Variants in MUSK observed in about 807,000 individuals in gnomAD.
The protein encoded by MUSK is muscle associated receptor tyrosine kinase.
A neutral mutation model predicts 88.7 loss-of-function variants in MUSK; 55 were observed. The observed-to-expected ratio is 0.62, with a 90% CI of 0.50 to 0.78. MUSK has a LOEUF of 0.78. Ranked by LOEUF, MUSK falls within the 30% of genes least tolerant of loss-of-function variation. MUSK has a pLI of 0.00. For synonymous variants in MUSK, 387 were observed against 391.9 expected (o/e 0.99, Z 0.15); for missense variants, 1,015 against 1,074.3 (o/e 0.94, Z 0.77).
chr9:110,762,128 A>G, intron 7 of MUSK, 74 bp from the exon 8 acceptor site: 2 of 1,233,634 alleles, frequency 1.6e-6, no homozygotes, highest in Non-Finnish European at 2.1e-6. Context: ...AAAGCATAAG[A>G]TGAAAATGTA....
chr9:110,748,094 T>A (rs1209753928), intron 7 of MUSK: 2 of 504,812 alleles, frequency 4.0e-6, no homozygotes, highest in East Asian at 9.3e-5. Context: ...TTTCTCCATT[T>A]CTCTTTCCTC....
chr9:110,769,855 AG>A (rs2077541974), intron 9 of MUSK, among the ~76,000 whole-genome samples: 1 of 152,188 alleles, frequency 6.6e-6, no homozygotes, highest in South Asian at 2.1e-4. Context: ...CAGGCAAATC[AG>A]CTCAACACCA....
rs1230050545 is a variant in MUSK at position 110,802,106 on chromosome 9, G to A, written c.*1118G>A. Among the ~76,000 whole-genome samples, 1 of 152,002 alleles carries A rather than the reference G, an allele frequency of 6.6e-6. No individual in the cohort carries two copies. On this transcript the variant is annotated 3_prime_UTR_variant, in exon 15 of 15. Transcript: ENST00000374448. ...GAGTTATTTCAAAACTGATATTTCT[G>A]TGCATTCTGACATTTTATTCCTTTT...
At position 110,804,894 on chromosome 9, in the gene MUSK, A is replaced by G. The variant is rs543563205; in HGVS notation, c.*3906A>G. Among the ~76,000 whole-genome samples the G allele has an allele frequency of 1.4e-4, 21 of 152,066 alleles. No individual in the cohort carries two copies. On this transcript the variant is annotated 3_prime_UTR_variant, in exon 15 of 15. Coordinates refer to ENST00000374448, the MANE Select transcript of MUSK (RefSeq NM_005592.4). ...GGTTGGTAGGTAAATAGATAGATAG[A>G]TGATACATAGAGAGAGATAGATAGA...
rs117567467 is a variant in MUSK, at chr9:110,706,710, G to A, written c.628+9244G>A. Among the ~76,000 whole-genome samples the A allele has an allele frequency of 8.6e-3, 1,307 of 152,142 alleles. 53 individuals carry two copies. The East Asian group carries it at 0.11, about 13-fold the overall frequency. On this transcript the variant is annotated intron_variant, in intron 5 of 14. Coordinates refer to ENST00000374448, the MANE Select transcript of MUSK (RefSeq NM_005592.4). ...CAGTGGCATATGCCCCCTTTAAAACGCTAGACCAGAGGGCCAACCATAGTG... is the reference window on the plus strand; with the variant it reads ...CAGTGGCATATGCCCCCTTTAAAACACTAGACCAGAGGGCCAACCATAGTG...
At chr9:110,723,401 A>G (rs572007838) in intron 5 of MUSK, among the ~76,000 whole-genome samples, 3 of 152,074 alleles carry the variant, frequency 2.0e-5, no homozygotes, top group South Asian at 4.1e-4. Context: ...GTTTTCATGC[A>G]TAAGTGGGAG....
At chr9:110,718,353 G>T (rs905539296) in intron 5 of MUSK, among the ~76,000 whole-genome samples, 2 of 151,980 alleles carry the variant, frequency 1.3e-5, no homozygotes, top group African/African-American at 4.8e-5. Flanking sequence ...CTACTTCCAA[G>T]GAGAGCAGAG....
rs773787162 is a variant in MUSK, at chr9:110,695,037, G to A, written c.359-366G>A. On this transcript the variant is annotated intron_variant, in intron 3 of 14. Transcript: ENST00000374448. Reference sequence around the variant, plus strand: ...TTATATCAAAATTTTCTTTTCAAATGTTTTATGTCTATCAGTATGAATTAA... The same window carrying A: ...TTATATCAAAATTTTCTTTTCAAATATTTTATGTCTATCAGTATGAATTAA... Among the ~76,000 whole-genome samples, 44 of 152,186 alleles carry A rather than the reference G, an allele frequency of 2.9e-4. No homozygotes were observed. In the Middle Eastern group the frequency reaches 0.01, roughly 35 times the overall value.
rs182514729 is a variant in MUSK, at chr9:110,755,452, C to T, written c.914-6750C>T. On this transcript the variant is annotated intron_variant, in intron 7 of 14. Coordinates refer to ENST00000374448, the MANE Select transcript of MUSK (RefSeq NM_005592.4). ...GAACAATTTAAACCTGACAGGTACACAGAGAAAATGGTGTTTTCTCCAACC... is the reference window on the plus strand; with the variant it reads ...GAACAATTTAAACCTGACAGGTACATAGAGAAAATGGTGTTTTCTCCAACC... Among the ~76,000 whole-genome samples the T allele has an allele frequency of 3.3e-5, 5 of 152,260 alleles. No homozygotes were observed. In the East Asian group the frequency reaches 7.7e-4, roughly 24 times the overall value.
intron 6 of MUSK, among the ~76,000 whole-genome samples, chr9:110,741,559 C>T (rs2077099294): frequency 6.6e-6 from 1 of 152,144 alleles, no homozygotes. Context: ...AATTCTATGG[C>T]TACCCCAATA....
chr9:110,800,797 G>T lies in MUSK; in HGVS notation c.2419G>T (p.Ala807Ser). The change falls in exon 15 of 15, where the codon GCC becomes TCC. Residue 807 changes from alanine (A) to serine (S), a missense_variant. Transcript: ENST00000374448. Reference protein sequence around the residue: ...SYGLQPYYGMAHEEVIYYVRD... With the variant: ...SYGLQPYYGMSHEEVIYYVRD... Reference sequence around the variant, plus strand: ...TGGCCTGCAGCCCTACTATGGGATGGCCCATGAGGAGGTCATTTACTACGT... The same window carrying T: ...TGGCCTGCAGCCCTACTATGGGATGTCCCATGAGGAGGTCATTTACTACGT... The T allele has an allele frequency of 6.2e-7, 1 of 1,613,822 alleles. No homozygotes were observed. The highest frequency in any genetic ancestry group is 8.5e-7 in the Non-Finnish European group (1 of 1,179,774).
chr9:110,797,104 CTTA>C (rs1481000963), intron 14 of MUSK, among the ~76,000 whole-genome samples: 1 of 49,938 alleles, frequency 2.0e-5, no homozygotes, highest in Non-Finnish European at 3.7e-5. Context: ...TACCCTAAAA[CTTA>C]GAGTATAACA....
At position 110,689,767 on chromosome 9, in the gene MUSK, A is replaced by C. The variant is rs1419917437; in HGVS notation, c.358+2499A>C. Among the ~76,000 whole-genome samples the C allele has an allele frequency of 2.2e-4, 16 of 74,036 alleles. 1 individual carries two copies. Among genetic ancestry groups the C allele is most frequent in the African/African-American group, 2.8e-4 (4 of 14,518 alleles). 48.6% of individuals were successfully genotyped at this position (74,036 alleles called of 152,430 possible). A position where few individuals can be genotyped will look rare whatever the true frequency, so the allele number is the denominator to read the frequency against. On this transcript the variant is annotated intron_variant, in intron 3 of 14. Transcript: ENST00000374448. ...ATTATATATTATATATAAACTATAT[A>C]TATCACATATAGTTTATATATTTTT...
intron 5 of MUSK, among the ~76,000 whole-genome samples, chr9:110,707,285 G>T (rs1338186867): frequency 6.6e-6 from 1 of 151,944 alleles, no homozygotes. Context: ...ATAGCTGGGG[G>T]GTGTCTTTGT....
intron 6 of MUSK, 151 bp from the exon 7 acceptor site, chr9:110,747,490 C>A: frequency 1.4e-6 from 1 of 696,702 alleles, no homozygotes; most frequent in Non-Finnish European, 2.4e-6. Flanking sequence ...ATTGCAAGGG[C>A]ATGGACACAG....
At chr9:110,724,363 T>C (rs73657648) in intron 5 of MUSK, among the ~76,000 whole-genome samples, 328 of 152,184 alleles carry the variant, frequency 2.2e-3, no homozygotes, top group African/African-American at 7.6e-3. Context: ...TCTGAAATGA[T>C]TTATTCCTTT....
At chr9:110,755,319 T>C (rs1423179550) in intron 7 of MUSK, among the ~76,000 whole-genome samples, 1 of 152,212 alleles carries the variant, frequency 6.6e-6, no homozygotes, top group Non-Finnish European at 1.5e-5. Flanking sequence ...AACCCTACTC[T>C]GGATCAAAAG....
intron 12 of MUSK, among the ~76,000 whole-genome samples, chr9:110,785,228 T>A (rs888369622): frequency 2.0e-5 from 3 of 152,232 alleles, no homozygotes; most frequent in Non-Finnish European, 4.4e-5. Flanking sequence ...GGTTACTGTT[T>A]CACAAAAGGT....
intron 5 of MUSK, among the ~76,000 whole-genome samples, chr9:110,700,280 G>T (rs1056000521): frequency 6.6e-6 from 1 of 152,152 alleles, no homozygotes; most frequent in Non-Finnish European, 1.5e-5. Context: ...CCTATATTCT[G>T]CCATTTTAGG....
Sources: allele counts gnomAD v4.1 joint callset (sites outside exome capture counted in the v4.1 genomes callset), GRCh38; gene constraint gnomAD v4.1.1; transcripts MANE v1.5; gene names NCBI Gene and HGNC (gene_info 2026-07-23, HGNC 2026-07-21).